The following TBX4 variants were observed in gnomAD, a reference collection of about 807,000 sequenced individuals.
The protein encoded by TBX4 is T-box transcription factor TBX4.
A neutral mutation model predicts 54.6 loss-of-function variants in TBX4; 13 were observed. The observed-to-expected ratio is 0.24, with a 90% CI of 0.15 to 0.38. The LOEUF (loss-of-function observed/expected upper bound fraction) is 0.38. Among genes scored for constraint, TBX4 ranks in the 10% least tolerant of loss-of-function variants. The pLI, the probability that TBX4 is intolerant of heterozygous loss-of-function variation, is 1.00. For synonymous variants in TBX4, 314 were observed against 306.7 expected (o/e 1.02, Z -0.25); for missense variants, 631 against 728.5 (o/e 0.87, Z 1.54).
At position 61,461,285 on chromosome 17, in the gene TBX4, T is replaced by A. The variant is rs985768725; in HGVS notation, c.281+3654T>A. ...TTAGAAAACTGTGTGTGTATGCCTC[T>A]ATGTATGTGTGTGAAACGTGGAAAT... is the stretch of plus-strand genomic sequence containing the variant. On this transcript the variant is annotated intron_variant, in intron 3 of 8. Transcript: ENST00000644296. This position sits in a 1 kb window ranked among gnomAD's most constrained non-coding sequence, Gnocchi z 5.1. Among the ~76,000 whole-genome samples, 5 of 152,210 alleles carry A rather than the reference T, an allele frequency of 3.3e-5. No homozygotes were observed. Among genetic ancestry groups the A allele is most frequent in the African/African-American group, 1.2e-4 (5 of 41,462 alleles).
At chr17:61,463,602 T>C (rs2060513935) in intron 3 of TBX4, among the ~76,000 whole-genome samples, 1 of 152,190 alleles carries the variant, frequency 6.6e-6, no homozygotes, top group Non-Finnish European at 1.5e-5. Flanking sequence ...CCCCTTAGCC[T>C]CCTCTCAGCC....
At chr17:61,458,621 A>G (rs1209148316) in intron 3 of TBX4, among the ~76,000 whole-genome samples, 1 of 152,010 alleles carries the variant, frequency 6.6e-6, no homozygotes, top group Non-Finnish European at 1.5e-5. Flanking sequence ...CAACTCAGCT[A>G]CTTTCATCTG....
chr17:61,465,791 G>C lies in TBX4; in HGVS notation c.282-28G>C. The C allele has an allele frequency of 1.2e-6, 2 of 1,613,194 alleles. No individual in the cohort carries two copies. Among genetic ancestry groups the C allele is most frequent in the Non-Finnish European group, 1.7e-6 (2 of 1,179,468 alleles). On this transcript the variant is annotated intron_variant, in intron 3 of 8. Transcript: ENST00000644296. This position sits in a 1 kb window ranked among gnomAD's most constrained non-coding sequence, Gnocchi z 4.9. Reference sequence around the variant, plus strand: ...ATCTCTCCTGGTGCTCTGTCCACACGCTCCGCCTCACCCCTCGGCTCCCCC... The same window carrying C: ...ATCTCTCCTGGTGCTCTGTCCACACCCTCCGCCTCACCCCTCGGCTCCCCC...
In TBX4 at chr17:61,459,549, T is replaced by G. The variant is rs537345536; in HGVS notation, c.281+1918T>G. On this transcript the variant is annotated intron_variant, in intron 3 of 8. Transcript: ENST00000644296. The surrounding 1 kb of genome is among the most constrained non-coding windows in gnomAD (Gnocchi z 4.8). Reference sequence around the variant, plus strand: ...CTTTGGCATTTTAAACAAAGGGCATTTTTGTTTGTTTGTTTTCCTCAGTAG... The same window carrying G: ...CTTTGGCATTTTAAACAAAGGGCATGTTTGTTTGTTTGTTTTCCTCAGTAG... Among the ~76,000 whole-genome samples, 3 of 152,254 alleles carry G rather than the reference T, an allele frequency of 2.0e-5. No individual in the cohort carries two copies. The highest frequency in any genetic ancestry group is 2.0e-4 in the Admixed American group (3 of 15,292).
chr17:61,454,529 G>A (rs974086196), intron 1 of TBX4, among the ~76,000 whole-genome samples: 22 of 152,248 alleles, frequency 1.4e-4, no homozygotes, highest in African/African-American at 5.3e-4. Context: ...CCCCGGGCCA[G>A]CCGGGCGTGG....
At chr17:61,466,084 T>C in intron 4 of TBX4, 146 bp downstream of exon 4, 3 of 1,366,030 alleles carry the variant, frequency 2.2e-6, no homozygotes, top group Non-Finnish European at 3.1e-6. Flanking sequence ...GAACTGGCTG[T>C]GCGGAGGCTG....
rs1049520502 is a variant in TBX4 at position 61,462,236 on chromosome 17, C to G, written c.282-3583C>G. On this transcript the variant is annotated intron_variant, in intron 3 of 8. Transcript: ENST00000644296. This position sits in a 1 kb window ranked among gnomAD's most constrained non-coding sequence, Gnocchi z 4.5. ...TAAAGGCTCCAGCTCCGCACCCTTT[C>G]AGAGCCTGTTTCATGATCAGAGGAG... is the stretch of plus-strand genomic sequence containing the variant. Among the ~76,000 whole-genome samples the G allele has an allele frequency of 3.9e-5, 6 of 152,282 alleles. No individual in the cohort carries two copies. The highest frequency in any genetic ancestry group is 1.4e-4 in the African/African-American group (6 of 41,564).
chr17:61,478,807 G>A lies in TBX4; in HGVS notation c.702+28G>A, dbSNP rs747645907. 1 of 1,614,062 alleles carries A rather than the reference G, an allele frequency of 6.2e-7. No individual in the cohort carries two copies. Among genetic ancestry groups the A allele is most frequent in the South Asian group, 1.1e-5 (1 of 91,082 alleles). ...ACAGCCACTGCCCCACTGCCCCACA[G>A]CCCCACTTAACACCACCCTGCGTTC... On this transcript the variant is annotated intron_variant, in intron 6 of 8. Coordinates refer to ENST00000644296, the MANE Select transcript of TBX4 (RefSeq NM_001321120.2). This position sits in a 1 kb window ranked among gnomAD's most constrained non-coding sequence, Gnocchi z 7.4.
rs956174365 is a variant in TBX4 at position 61,456,589 on chromosome 17, G to T, written c.99G>T (p.Ala33=). 2.3e-5 allele frequency: 35 copies of T among 1,531,140 alleles called. No homozygotes were observed. The highest frequency in any genetic ancestry group is 2.9e-5 in the Non-Finnish European group (33 of 1,138,224). 94.8% of individuals were successfully genotyped at this position (1,531,140 alleles called of 1,614,324 possible). A position where few individuals can be genotyped will look rare whatever the true frequency, so the allele number is the denominator to read the frequency against. Residue 33 remains alanine, a synonymous_variant, in exon 2 of 9, where the codon GCG becomes GCT. Coordinates refer to ENST00000644296, the MANE Select transcript of TBX4 (RefSeq NM_001321120.2). ...GCGCAGCCAACGCCCCCGAGCCCGCGCTGGCAGCGCCGGGCCTCAGCGGAG... is the reference window on the plus strand; with the variant it reads ...GCGCAGCCAACGCCCCCGAGCCCGCTCTGGCAGCGCCGGGCCTCAGCGGAG... ...EASAANAPEP[A]LAAPGLSGAA... is the part of the protein sequence containing the mutation.
rs1282015529 is a variant in TBX4, at chr17:61,460,512, C to G, written c.281+2881C>G. On this transcript the variant is annotated intron_variant, in intron 3 of 8. Transcript: ENST00000644296. This position sits in a 1 kb window ranked among gnomAD's most constrained non-coding sequence, Gnocchi z 4.4. ...GATAAAATGCCAACCACAGTGGGAG[C>G]CACCAGTTTCTGAATACTCAGCGAC... Among the ~76,000 whole-genome samples the G allele has an allele frequency of 6.6e-6, 1 of 152,112 alleles. No individual in the cohort carries two copies. The highest frequency in any genetic ancestry group is 6.5e-5 in the Admixed American group (1 of 15,276).
At position 61,476,969 on chromosome 17, in the gene TBX4, T is replaced by C. The variant is rs1225749171; in HGVS notation, c.550-1658T>C. 6.6e-6 allele frequency among the ~76,000 whole-genome samples: 1 copy of C among 152,204 alleles called. No homozygotes were observed. Among genetic ancestry groups the C allele is most frequent in the Non-Finnish European group, 1.5e-5 (1 of 68,034 alleles). On this transcript the variant is annotated intron_variant, in intron 5 of 8. Coordinates refer to ENST00000644296, the MANE Select transcript of TBX4 (RefSeq NM_001321120.2). This position sits in a 1 kb window ranked among gnomAD's most constrained non-coding sequence, Gnocchi z 6.5. ...CTAAGACTTTGGCCAAGGTTTGCCA[T>C]AAAAGAGCCTGACTCTGGCCTTTCT...
In TBX4 at chr17:61,484,262, T is replaced by C. The variant is rs2060687908; in HGVS notation, c.*746T>C. 6.6e-6 allele frequency: 1 copy of C among 152,092 alleles called. No homozygotes were observed. The allele number at this position is 152,092 out of a possible 1,614,324, so 9.4% of individuals were successfully genotyped here. A position where few individuals can be genotyped will look rare whatever the true frequency, so the allele number is the denominator to read the frequency against. On this transcript the variant is annotated 3_prime_UTR_variant, in exon 9 of 9. Coordinates refer to ENST00000644296, the MANE Select transcript of TBX4 (RefSeq NM_001321120.2). This position sits in a 1 kb window ranked among gnomAD's most constrained non-coding sequence, Gnocchi z 4.1. ...TCAAGAGGAGGGAAAATGCAACCAG[T>C]AGCATCTCTGTCATCATTCAGATTT...
Position 61,479,658 on chromosome 17 carries a change from A to G in TBX4, c.703-223A>G, listed in dbSNP as rs1427918555. Among the ~76,000 whole-genome samples the G allele has an allele frequency of 6.6e-6, 1 of 152,142 alleles. No individual in the cohort carries two copies. Among genetic ancestry groups the G allele is most frequent in the Non-Finnish European group, 1.5e-5 (1 of 68,018 alleles). On this transcript the variant is annotated intron_variant, in intron 6 of 8. Transcript: ENST00000644296. This position sits in a 1 kb window ranked among gnomAD's most constrained non-coding sequence, Gnocchi z 6.1. The stretch of plus-strand genomic sequence containing the variant: ...TGTGAATGGCAAGGCCCACTTCCCC[A>G]GACCTGCCCCAGTTCTGCCTGTGCC...
Position 61,475,913 on chromosome 17 carries a change from G to A in TBX4, c.550-2714G>A, listed in dbSNP as rs967802090. On this transcript the variant is annotated intron_variant, in intron 5 of 8. Transcript: ENST00000644296. This position sits in a 1 kb window ranked among gnomAD's most constrained non-coding sequence, Gnocchi z 5.0. ...CTCATGGGAGATCATCTCTGCACAT[G>A]TTTCATCACCACTTTTGACCTAGGA... Among the ~76,000 whole-genome samples the A allele has an allele frequency of 2.0e-5, 3 of 152,254 alleles. No individual in the cohort carries two copies. The highest frequency in any genetic ancestry group is 4.4e-5 in the Non-Finnish European group (3 of 68,020).
At chr17:61,471,907 T>TA (rs1569039989) in intron 5 of TBX4, among the ~76,000 whole-genome samples, 9 of 145,182 alleles carry the variant, frequency 6.2e-5, no homozygotes, top group African/African-American at 2.3e-4. Context: ...TTTTTTTTTT[T>TA]TTTTTTTTTT....
At position 61,465,213 on chromosome 17, in the gene TBX4, AC is replaced by A. The variant is rs2060526198; in HGVS notation, c.282-601del. 6.6e-6 allele frequency among the ~76,000 whole-genome samples: 1 copy of A among 152,024 alleles called. No homozygotes were observed. The highest frequency in any genetic ancestry group is 2.1e-4 in the South Asian group (1 of 4,826). Reference sequence around the variant, plus strand: ...AGGTGAGGTGTTCACAGGGAGAAGTACCCCCGATAGACACACTGGAAGAACC... The same window carrying A: ...AGGTGAGGTGTTCACAGGGAGAAGTACCCCGATAGACACACTGGAAGAACC... On this transcript the variant is annotated intron_variant, in intron 3 of 8. Transcript: ENST00000644296. This position sits in a 1 kb window ranked among gnomAD's most constrained non-coding sequence, Gnocchi z 4.9.
Position 61,467,603 on chromosome 17 carries a change from G to T in TBX4, c.495G>T (p.Leu165=). ...PATGAHWMRQ[L]VSFQKLKLTN... ...CAGGAGCCCACTGGATGCGGCAGCTGGTCTCCTTCCAGAAGCTGAAGCTGA... is the reference window on the plus strand; with the variant it reads ...CAGGAGCCCACTGGATGCGGCAGCTTGTCTCCTTCCAGAAGCTGAAGCTGA... The change falls in exon 5 of 9, where the codon CTG becomes CTT. Residue 165 remains leucine (L), a synonymous_variant. Transcript: ENST00000644296. The T allele has an allele frequency of 6.2e-7, 1 of 1,614,214 alleles. No individual in the cohort carries two copies. Among genetic ancestry groups the T allele is most frequent in the African/African-American group, 1.3e-5 (1 of 75,070 alleles).
intron 1 of TBX4, among the ~76,000 whole-genome samples, chr17:61,456,153 C>G (rs944631790): frequency 5.9e-5 from 9 of 152,190 alleles, no homozygotes; most frequent in Non-Finnish European, 1.2e-4. Context: ...CAGGCTCCAC[C>G]GGAGCTCAGT....
chr17:61,453,112 A>C (rs2060425287), intron 1 of TBX4: 4 of 564,188 alleles, frequency 7.1e-6, no homozygotes, highest in Non-Finnish European at 9.0e-6. Flanking sequence ...ACAATTACCA[A>C]AGAAAGGGCT....
Sources: gnomAD v4.1 joint callset for allele counts (sites outside exome capture counted in the v4.1 genomes callset) on GRCh38, gnomAD v4.1.1 for gene constraint, Gnocchi (gnomAD v3.1) non-coding constraint, MANE v1.5 for transcripts, NCBI Gene and HGNC (gene_info 2026-07-23, HGNC 2026-07-21) for gene names.